ANKRD17: variants seen among roughly 807,000 people sequenced by gnomAD.
The protein encoded by ANKRD17 is ankyrin repeat domain 17.
Under a neutral mutation model 229.7 loss-of-function variants are expected in ANKRD17, and 19 were observed. The ratio of observed to expected loss-of-function variants is 0.08; its 90% confidence interval spans 0.06 to 0.12. ANKRD17 has a LOEUF of 0.12. Among genes scored for constraint, ANKRD17 ranks in the 10% least tolerant of loss-of-function variants. The probability of loss-of-function intolerance (pLI) is 1.00; values close to 1 mark genes in which losing one functional copy is unlikely to be tolerated. For synonymous variants in ANKRD17, 1,112 were observed against 1,146.1 expected (o/e 0.97, Z 0.60); for missense variants, 2,176 against 3,176.8 (o/e 0.68, Z 7.57).
At chr4:73,114,860 C>G (rs141103442) in intron 23 of ANKRD17, among the ~76,000 whole-genome samples, 40 of 152,144 alleles carry the variant, frequency 2.6e-4, no homozygotes, top group African/African-American at 8.9e-4. Flanking sequence ...ATTTGTTGTC[C>G]TCTTTGGTTT....
At position 73,102,362 on chromosome 4, in the gene ANKRD17, T is replaced by C; in HGVS notation, c.4573+14A>G. 1 of 1,574,556 alleles carries C rather than the reference T, an allele frequency of 6.4e-7. No homozygotes were observed. Among genetic ancestry groups the C allele is most frequent in the Non-Finnish European group, 8.5e-7 (1 of 1,169,928 alleles). ...GAATATAAAACAAATGGGATGGTTGTTAAGAGAAAATACCTTCAACTTTAA... is the reference window on the plus strand; with the variant it reads ...GAATATAAAACAAATGGGATGGTTGCTAAGAGAAAATACCTTCAACTTTAA... On this transcript the variant is annotated intron_variant, in intron 25 of 33. Coordinates refer to ENST00000358602, the MANE Select transcript of ANKRD17 (RefSeq NM_032217.5).
In ANKRD17 at chr4:73,209,192, C is replaced by T. The variant is rs564858990; in HGVS notation, c.394-31659G>A. 2.6e-4 allele frequency among the ~76,000 whole-genome samples: 39 copies of T among 151,962 alleles called. No individual in the cohort carries two copies. In the East Asian group the frequency reaches 4.1e-3, roughly 16 times the overall value. ...CTGCACTCCAGTCTGGGTGACAGAA[C>T]GAGACTCTGGGTCAAAAACAAAAAA... On this transcript the variant is annotated intron_variant, in intron 1 of 33. Transcript: ENST00000358602.
Position 73,076,153 on chromosome 4 carries a change from G to T in ANKRD17, c.*78C>A. ...CAAGCACATCAGTAGAATGATTTGGGAGCATAATTTTTTTTTTCGGCCACT... is the reference window on the plus strand; with the variant it reads ...CAAGCACATCAGTAGAATGATTTGGTAGCATAATTTTTTTTTTCGGCCACT... On this transcript the variant is annotated 3_prime_UTR_variant, in exon 34 of 34. Coordinates refer to ENST00000358602, the MANE Select transcript of ANKRD17 (RefSeq NM_032217.5). 7.7e-7 allele frequency: 1 copy of T among 1,305,904 alleles called. No individual in the cohort carries two copies. Among genetic ancestry groups the T allele is most frequent in the Non-Finnish European group, 1.1e-6 (1 of 935,998 alleles). 80.9% of individuals were successfully genotyped at this position (1,305,904 alleles called of 1,614,324 possible).
At chr4:73,119,957 T>C (rs560565032) in intron 21 of ANKRD17, among the ~76,000 whole-genome samples, 3 of 152,308 alleles carry the variant, frequency 2.0e-5, no homozygotes, top group Admixed American at 2.0e-4. Flanking sequence ...AAGAAAAACA[T>C]TTTTAGGTTA....
chr4:73,214,963 A>T (rs957230562), intron 1 of ANKRD17, among the ~76,000 whole-genome samples: 3 of 152,050 alleles, frequency 2.0e-5, no homozygotes, highest in Non-Finnish European at 4.4e-5. Context: ...TTACATACCC[A>T]AAGTACGGTA....
At chr4:73,129,509 T>C (rs1307317388) in intron 16 of ANKRD17, among the ~76,000 whole-genome samples, 1 of 152,094 alleles carries the variant, frequency 6.6e-6, no homozygotes, top group Non-Finnish European at 1.5e-5. Flanking sequence ...GAGGATCACT[T>C]GAGGCCAGAA....
chr4:73,142,715 C>T lies in ANKRD17; in HGVS notation c.2010G>A (p.Leu670=). The change falls in exon 12 of 34, where the codon CTG becomes CTA. Residue 670 remains leucine (L), a synonymous_variant. Coordinates refer to ENST00000358602, the MANE Select transcript of ANKRD17 (RefSeq NM_032217.5). ...CTGCCAGATGACCCCCTGCACAAGCCAGGGACAGTACAGTATGGTCATTAT... is the reference window on the plus strand; with the variant it reads ...CTGCCAGATGACCCCCTGCACAAGCTAGGGACAGTACAGTATGGTCATTAT... ...TANNDHTVLS[L]ACAGGHLAVV... 1 of 1,613,980 alleles carries T rather than the reference C, an allele frequency of 6.2e-7. No individual in the cohort carries two copies. The highest frequency in any genetic ancestry group is 8.5e-7 in the Non-Finnish European group (1 of 1,179,916).
At chr4:73,105,735 G>C (rs1028896042) in intron 24 of ANKRD17, among the ~76,000 whole-genome samples, 1 of 152,202 alleles carries the variant, frequency 6.6e-6, no homozygotes, top group Admixed American at 6.5e-5. Context: ...ATTTAAAATA[G>C]TTAATAAGAC....
Position 73,139,638 on chromosome 4 carries a change from G to A in ANKRD17, c.2978C>T (p.Ala993Val). The change falls in exon 15 of 34, where the codon GCA becomes GTA. Residue 993 changes from alanine (A) to valine (V), a missense_variant. This residue lies in a region of ANKRD17 where 230 missense variants were observed against 252.3 expected (regional missense o/e 0.91). Coordinates refer to ENST00000358602, the MANE Select transcript of ANKRD17 (RefSeq NM_032217.5). ...VIVGQPVLGQ[A>V]QLAGLGQGIL... ...TCCTTGCCCCAGCCCTGCCAACTGT[G>A]CTTGGCCCAGTACTGGCTGTCCAAC... is the stretch of plus-strand genomic sequence containing the variant. The A allele has an allele frequency of 6.2e-7, 1 of 1,614,092 alleles. No homozygotes were observed. Among genetic ancestry groups the A allele is most frequent in the Non-Finnish European group, 8.5e-7 (1 of 1,180,000 alleles).
chr4:73,120,273 A>G lies in ANKRD17; in HGVS notation c.3914T>C (p.Leu1305Ser), dbSNP rs1446776205. ...GGCATTAACATCAGCACCTTTATCC[A>G]AAAGAACTCGGCCCACCTCCGCATA... ...GGYAEVGRVL[L>S]DKGADVNAPP... The change falls in exon 21 of 34, where the codon TTG (leucine) becomes TCG (serine). Residue 1305 changes from leucine to serine, a missense_variant. Transcript: ENST00000358602. 3 of 1,614,004 alleles carry G rather than the reference A, an allele frequency of 1.9e-6. No individual in the cohort carries two copies. In the Admixed American group the frequency reaches 5.0e-5, roughly 27 times the overall value.
chr4:73,085,190 C>G (rs1721991726), intron 30 of ANKRD17, 59 bp downstream of exon 30: 5 of 1,541,664 alleles, frequency 3.2e-6, no homozygotes, highest in African/African-American at 1.4e-5. Flanking sequence ...GGTTTGAAAC[C>G]TGCTGTTTTT....
At position 73,076,958 on chromosome 4, in the gene ANKRD17, T is replaced by C. The variant is rs748428431; in HGVS notation, c.7734A>G (p.Glu2578=). 1.9e-6 allele frequency: 3 copies of C among 1,611,378 alleles called. No homozygotes were observed. The East Asian group carries it at 6.7e-5, about 36-fold the overall frequency. Reference sequence around the variant, plus strand: ...GCCTCACCGTTTGAGGGCCATTATTTTCCGTGGAGCTGGAAACCATCTTTA... The same window carrying C: ...GCCTCACCGTTTGAGGGCCATTATTCTCCGTGGAGCTGGAAACCATCTTTA... ...SLIKMVSSST[E]NNGPQTVWTG... is the part of the protein sequence containing the mutation. Residue 2578 remains glutamate (E), a synonymous_variant, in exon 33 of 34, where the codon GAA becomes GAG. Transcript: ENST00000358602.
intron 1 of ANKRD17, among the ~76,000 whole-genome samples, chr4:73,179,524 T>A (rs1157725818): frequency 1.4e-3 from 174 of 121,016 alleles, no homozygotes; most frequent in African/African-American, 5.6e-3. Flanking sequence ...ATATATTTTT[T>A]TTTTTTTTTT....
intron 1 of ANKRD17, among the ~76,000 whole-genome samples, chr4:73,246,799 A>G (rs1433921482): frequency 6.6e-6 from 1 of 152,186 alleles, no homozygotes; most frequent in African/African-American, 2.4e-5. Flanking sequence ...CATTTTAAGA[A>G]GCAAGAATCA....
At chr4:73,102,576 A>G (rs1401807390) in intron 24 of ANKRD17, 29 bp from the exon 25 acceptor site, 9 of 1,579,108 alleles carry the variant, frequency 5.7e-6, no homozygotes, top group Non-Finnish European at 7.7e-6. Context: ...GCAGAAATAT[A>G]ACGTTGAAAT....
chr4:73,171,054 C>A (rs2148961925), intron 2 of ANKRD17, among the ~76,000 whole-genome samples: 1 of 152,174 alleles, frequency 6.6e-6, no homozygotes, highest in Admixed American at 6.5e-5. Flanking sequence ...GTAGCAGTCA[C>A]AACGGGCATT....
chr4:73,098,182 G>C lies in ANKRD17; in HGVS notation c.4912C>G (p.His1638Asp). Residue 1638 changes from histidine (H) to aspartate (D), a missense_variant, in exon 26 of 34, where the codon CAT (histidine) becomes GAT (aspartate). Physicochemically the swap from His to Asp is moderately conservative, Grantham distance 81 (BLOSUM62 -1). This residue lies in a region of ANKRD17 where 98 missense variants were observed against 101.0 expected (regional missense o/e 0.97). Transcript: ENST00000358602. ...NSNSSRKSDNHSPAVVTTTVS... is the reference protein window; with the variant it reads ...NSNSSRKSDNDSPAVVTTTVS... ...GTGGTAGTGACCACAGCTGGTGAAT[G>C]ATTGTCACTCTTACGACTGCTGTTG... The C allele has an allele frequency of 1.2e-6, 2 of 1,614,188 alleles. No individual in the cohort carries two copies. The highest frequency in any genetic ancestry group is 1.7e-6 in the Non-Finnish European group (2 of 1,180,034).
At chr4:73,222,389 GTC>G (rs1304061236) in intron 1 of ANKRD17, among the ~76,000 whole-genome samples, 3 of 152,016 alleles carry the variant, frequency 2.0e-5, no homozygotes, top group Non-Finnish European at 4.4e-5. Context: ...TTGTATTGAT[GTC>G]TCTCTAGCAT....
chr4:73,076,149 T>C lies in ANKRD17; in HGVS notation c.*82A>G, dbSNP rs1720979694. On this transcript the variant is annotated 3_prime_UTR_variant, in exon 34 of 34. Coordinates refer to ENST00000358602, the MANE Select transcript of ANKRD17 (RefSeq NM_032217.5). Reference sequence around the variant, plus strand: ...CAGTCAAGCACATCAGTAGAATGATTTGGGAGCATAATTTTTTTTTTCGGC... The same window carrying C: ...CAGTCAAGCACATCAGTAGAATGATCTGGGAGCATAATTTTTTTTTTCGGC... The C allele has an allele frequency of 7.8e-7, 1 of 1,274,680 alleles. No homozygotes were observed. The highest frequency in any genetic ancestry group is 2.3e-5 in the Admixed American group (1 of 43,552). The allele number at this position is 1,274,680 out of a possible 1,614,324, so 79.0% of individuals were successfully genotyped here. A position where few individuals can be genotyped will look rare whatever the true frequency, so the allele number is the denominator to read the frequency against.
Sources: allele counts gnomAD v4.1 joint callset (sites outside exome capture counted in the v4.1 genomes callset), GRCh38; gene constraint gnomAD v4.1.1; regional missense constraint gnomAD v4.1.1; transcripts MANE v1.5; gene names NCBI Gene and HGNC (gene_info 2026-07-23, HGNC 2026-07-21).